The following DENND1A variants were observed in gnomAD, a reference collection of about 807,000 sequenced individuals.
DENND1A encodes DENN domain-containing protein 1A.
A neutral mutation model predicts 113.7 loss-of-function variants in DENND1A; 51 were observed. The ratio of observed to expected loss-of-function variants is 0.45; its 90% CI spans 0.36 to 0.57. DENND1A has a LOEUF of 0.57. Among genes scored for constraint, DENND1A ranks in the 20% least tolerant of loss-of-function variants. The pLI, the probability that DENND1A is intolerant of heterozygous loss-of-function variation, is 0.00. For synonymous variants in DENND1A, 565 were observed against 570.8 expected, an observed-to-expected ratio of 0.99 and a Z score of 0.14; for missense variants, 1,258 against 1,395.9, an observed-to-expected ratio of 0.90 and a Z score of 1.57.
chr9:123,424,653 G>A (rs1364764216), intron 19 of DENND1A, among the ~76,000 whole-genome samples: 1 of 152,200 alleles, frequency 6.6e-6, no homozygotes, highest in Non-Finnish European at 1.5e-5. Flanking sequence ...CACCTGGGGT[G>A]GGGAGAGCCC....
At chr9:123,492,857 C>A (rs1416865982) in intron 13 of DENND1A, 1 of 152,188 alleles carries the variant, frequency 6.6e-6, no homozygotes, top group East Asian at 1.9e-4. Context: ...TAGAAAAACG[C>A]TAGCCTGGTA....
intron 21 of DENND1A, among the ~76,000 whole-genome samples, chr9:123,392,198 C>T (rs902225993): frequency 3.9e-5 from 6 of 152,090 alleles, no homozygotes; most frequent in South Asian, 2.1e-4. Flanking sequence ...GGGATCGCAC[C>T]GGCTTATTTT....
chr9:123,391,202 G>A (rs1257843132), intron 21 of DENND1A, among the ~76,000 whole-genome samples: 1 of 152,240 alleles, frequency 6.6e-6, no homozygotes, highest in African/African-American at 2.4e-5. Context: ...TACTGGCTGA[G>A]CCAGGCTGGT....
intron 2 of DENND1A, among the ~76,000 whole-genome samples, chr9:123,827,270 C>T (rs1839474203): frequency 6.6e-6 from 1 of 151,850 alleles, no homozygotes. Flanking sequence ...CTTATAATGT[C>T]AGGGTACTTG....
At chr9:123,500,979 C>T (rs541492559) in intron 13 of DENND1A, among the ~76,000 whole-genome samples, 6 of 152,126 alleles carry the variant, frequency 3.9e-5, no homozygotes, top group East Asian at 1.9e-4. Context: ...TTTAAGTGTA[C>T]GGTTAGTTCA....
chr9:123,667,037 T>C lies in DENND1A; in HGVS notation c.496A>G (p.Ile166Val). 6.3e-7 allele frequency: 1 copy of C among 1,596,540 alleles called. No homozygotes were observed. Among genetic ancestry groups the C allele is most frequent in the Non-Finnish European group, 8.5e-7 (1 of 1,174,736 alleles). The change falls in exon 8 of 24, where the codon ATA (isoleucine) becomes GTA (valine). Residue 166 changes from isoleucine to valine, a missense_variant. Physicochemically the swap from Ile to Val is conservative, Grantham distance 29 (BLOSUM62 3). Around this residue, in one of 2 missense-constraint regions of DENND1A, gnomAD observed 1,159 missense variants for 1,231.7 expected, o/e 0.94. Coordinates refer to ENST00000394215, the MANE Select transcript of DENND1A (RefSeq NM_001352964.2). ...TCCCAAGTACTTACATTCTCAGGTATGCTGGGAAGTTCTCTGGTATCAGGC... is the reference window on the plus strand; with the variant it reads ...TCCCAAGTACTTACATTCTCAGGTACGCTGGGAAGTTCTCTGGTATCAGGC... ...TVPDTRELPS[I>V]PENRNLTEYF...
chr9:123,667,132 C>A, intron 7 of DENND1A, 53 bp from the exon 8 acceptor site: 1 of 1,511,822 alleles, frequency 6.6e-7, no homozygotes, highest in South Asian at 1.2e-5. Context: ...GTAACAATTG[C>A]ATTACTCAGA....
At chr9:123,744,851 C>T (rs928609348) in intron 5 of DENND1A, among the ~76,000 whole-genome samples, 4 of 147,770 alleles carry the variant, frequency 2.7e-5, no homozygotes, top group Non-Finnish European at 4.5e-5. Context: ...TCTCAGCTCA[C>T]TGCAACCTCC....
chr9:123,538,693 G>A (rs948641332), intron 13 of DENND1A, among the ~76,000 whole-genome samples: 1 of 146,712 alleles, frequency 6.8e-6, no homozygotes, highest in Admixed American at 6.8e-5. Flanking sequence ...AATGACAATC[G>A]CAATGAACCA....
intron 17 of DENND1A, 39 bp downstream of exon 17, chr9:123,452,237 T>G: frequency 6.4e-7 from 1 of 1,556,340 alleles, no homozygotes; most frequent in Non-Finnish European, 8.9e-7. Flanking sequence ...GCTAAGGGAC[T>G]GATCTGTTTT....
At chr9:123,515,752 GA>G (rs775707094) in intron 13 of DENND1A, among the ~76,000 whole-genome samples, 17 of 152,166 alleles carry the variant, frequency 1.1e-4, no homozygotes, top group Non-Finnish European at 2.1e-4. Context: ...AAAAAGTGAG[GA>G]GTGGCAGGTG....
In DENND1A at chr9:123,667,097, A is replaced by G; in HGVS notation, c.454-18T>C. 1 of 1,593,164 alleles carries G rather than the reference A, an allele frequency of 6.3e-7. No homozygotes were observed. The highest frequency in any genetic ancestry group is 1.2e-5 in the South Asian group (1 of 86,380). On this transcript the variant is annotated intron_variant, in intron 7 of 23. Coordinates refer to ENST00000394215, the MANE Select transcript of DENND1A (RefSeq NM_001352964.2). ...TAAGAATGCTAGAAAAGAAAAGCAA[A>G]AGTGATTTATTTCTGCTAAAATGTG...
At chr9:123,897,107 C>T (rs1213342152) in intron 1 of DENND1A, among the ~76,000 whole-genome samples, 1 of 152,200 alleles carries the variant, frequency 6.6e-6, no homozygotes, top group Non-Finnish European at 1.5e-5. Flanking sequence ...GTAACAGGCA[C>T]ACTCCACCCT....
chr9:123,544,293 T>C (rs77218499), intron 13 of DENND1A, among the ~76,000 whole-genome samples: 174 of 152,332 alleles, frequency 1.1e-3, no homozygotes, highest in African/African-American at 4.1e-3. Flanking sequence ...AACAAAATAT[T>C]AGCCAATTAA....
intron 13 of DENND1A, among the ~76,000 whole-genome samples, chr9:123,541,841 C>T (rs954237154): frequency 1.3e-5 from 2 of 152,100 alleles, no homozygotes; most frequent in East Asian, 1.9e-4. Flanking sequence ...CATTTTTATC[C>T]CCACTTAACA....
chr9:123,540,144 C>G (rs144644800), intron 13 of DENND1A, among the ~76,000 whole-genome samples: 7 of 152,270 alleles, frequency 4.6e-5, no homozygotes, highest in Non-Finnish European at 7.4e-5. Context: ...AAAATGTAAA[C>G]TCAGCTATAA....
Position 123,928,659 on chromosome 9 carries a change from A to G in DENND1A, c.17+1230T>C, listed in dbSNP as rs975051337. The G allele has an allele frequency of 1.0e-5, 10 of 985,328 alleles. No individual in the cohort carries two copies. In the African/African-American group the frequency reaches 1.2e-4, roughly 12 times the overall value. The allele number at this position is 985,328 out of a possible 1,614,324, so 61.0% of individuals were successfully genotyped here. A position where few individuals can be genotyped will look rare whatever the true frequency, so the allele number is the denominator to read the frequency against. On this transcript the variant is annotated intron_variant, in intron 1 of 23. Coordinates refer to ENST00000394215, the MANE Select transcript of DENND1A (RefSeq NM_001352964.2). ...AAGGCTGCTGCAGCGCATCTCATACATATTTTGTAAATGAGAAGCCTAACC... is the reference window on the plus strand; with the variant it reads ...AAGGCTGCTGCAGCGCATCTCATACGTATTTTGTAAATGAGAAGCCTAACC...
intron 11 of DENND1A, among the ~76,000 whole-genome samples, chr9:123,603,340 G>A (rs1172463766): frequency 6.6e-6 from 1 of 152,168 alleles, no homozygotes; most frequent in East Asian, 1.9e-4. Flanking sequence ...ATTATTTTGT[G>A]TAAAAGCTCC....
Position 123,607,425 on chromosome 9 carries a change from G to C in DENND1A, c.765+2011C>G, listed in dbSNP as rs370892568. The stretch of plus-strand genomic sequence containing the variant: ...TGAAGGCAGTAGTGCCATTCACAGG[G>C]ACCAGGAACAGTGGAAGGGGAGTGG... On this transcript the variant is annotated intron_variant, in intron 11 of 23. Coordinates refer to ENST00000394215, the MANE Select transcript of DENND1A (RefSeq NM_001352964.2). Among the ~76,000 whole-genome samples, 67 of 146,402 alleles carry C rather than the reference G, an allele frequency of 4.6e-4. No homozygotes were observed. In the East Asian group the frequency reaches 0.013, roughly 29 times the overall value.
Sources: allele counts gnomAD v4.1 joint callset (sites outside exome capture counted in the v4.1 genomes callset), GRCh38; gene constraint gnomAD v4.1.1; regional missense constraint gnomAD v4.1.1; transcripts MANE v1.5; gene names NCBI Gene and HGNC (gene_info 2026-07-23, HGNC 2026-07-21).